The following PDZD2 variants were observed in gnomAD, a reference collection of about 807,000 sequenced individuals.
The protein encoded by PDZD2 is PDZ domain containing 2, also known as PDZ domain-containing protein 2.
PDZD2 carries 90 observed loss-of-function variants against 220.7 expected under a neutral mutation model. The ratio of observed to expected loss-of-function variants is 0.41; its 90% CI spans 0.34 to 0.49. The LOEUF (loss-of-function observed/expected upper bound fraction) is 0.49, where lower values mean the gene tolerates loss of function less well. PDZD2 is among the 20% of genes least tolerant of loss of function. The pLI is 0.28. For missense variants in PDZD2, 3,174 were observed against 3,608.5 expected, an observed-to-expected ratio of 0.88 and a Z score of 3.08; for synonymous variants, 1,375 against 1,450.5, an observed-to-expected ratio of 0.95 and a Z score of 1.18.
intron 2 of PDZD2, among the ~76,000 whole-genome samples, chr5:31,800,852 A>T (rs1754351660): frequency 6.6e-6 from 1 of 152,174 alleles, no homozygotes; most frequent in South Asian, 2.1e-4. Flanking sequence ...AATCATGGAG[A>T]GAAGGCCACC....
rs567635289 is a variant in PDZD2 at position 31,731,665 on chromosome 5, C to T, written c.-360-67224C>T. 2.6e-5 allele frequency among the ~76,000 whole-genome samples: 4 copies of T among 152,294 alleles called. No individual in the cohort carries two copies. The South Asian group carries it at 8.3e-4, about 32-fold the overall frequency. On this transcript the variant is annotated intron_variant, in intron 1 of 24. Coordinates refer to ENST00000438447, the MANE Select transcript of PDZD2 (RefSeq NM_178140.4). ...TAATGTTGTCGTCTGTGTTGTAGCA[C>T]GTATCCCAACCTTCATTTCTTTATA...
intron 1 of PDZD2, among the ~76,000 whole-genome samples, chr5:31,752,581 G>GT (rs11342582): frequency 1.9e-4 from 29 of 150,516 alleles, no homozygotes; most frequent in Non-Finnish European, 2.7e-4. Context: ...TAAAATAGGC[G>GT]TTTTTTTTTC....
At chr5:31,864,614 G>C (rs985681061) in intron 2 of PDZD2, among the ~76,000 whole-genome samples, 1 of 151,792 alleles carries the variant, frequency 6.6e-6, no homozygotes, top group East Asian at 1.9e-4. Context: ...CTGCCTCCCA[G>C]GTTCAAGTGA....
chr5:31,979,112 T>C (rs1163642540), intron 2 of PDZD2, among the ~76,000 whole-genome samples: 2 of 152,234 alleles, frequency 1.3e-5, no homozygotes, highest in African/African-American at 4.8e-5. Flanking sequence ...TTTTTGGTAC[T>C]GAAAAGGTCT....
intron 1 of PDZD2, among the ~76,000 whole-genome samples, chr5:31,703,932 CCT>C (rs913788620): frequency 4.2e-4 from 62 of 147,034 alleles, no homozygotes; most frequent in African/African-American, 1.1e-3. Context: ...CTCTCTCTCT[CCT>C]CTCTCTCTCT....
chr5:31,867,325 G>C (rs577907956), intron 2 of PDZD2, among the ~76,000 whole-genome samples: 1 of 152,300 alleles, frequency 6.6e-6, no homozygotes, highest in African/African-American at 2.4e-5. Context: ...TGCTGCTCTG[G>C]AGCATCTCTC....
chr5:32,108,054 C>T lies in PDZD2; in HGVS notation c.8439C>T (p.His2813=). Residue 2813 remains histidine, a synonymous_variant, in exon 25 of 25, where the codon CAC becomes CAT. Transcript: ENST00000438447. The stretch of plus-strand genomic sequence containing the variant: ...GGAAACCTCTGGTTGGGCTCATGCA[C>T]TTTGATGCCTGGAATATTATGAAGT... ...INGKPLVGLM[H]FDAWNIMKSV... 6.2e-7 allele frequency: 1 copy of T among 1,610,544 alleles called. No individual in the cohort carries two copies. Among genetic ancestry groups the T allele is most frequent in the Non-Finnish European group, 8.5e-7 (1 of 1,176,774 alleles).
At chr5:31,890,460 G>A (rs1187287226) in intron 2 of PDZD2, among the ~76,000 whole-genome samples, 1 of 152,100 alleles carries the variant, frequency 6.6e-6, no homozygotes, top group African/African-American at 2.4e-5. Context: ...GTAGAGGGTC[G>A]ATTCCCGGTA....
At position 32,090,273 on chromosome 5, in the gene PDZD2, G is replaced by C. The variant is rs113070170; in HGVS notation, c.6825G>C (p.Gln2275His). The change falls in exon 20 of 25, where the codon CAG becomes CAC. Residue 2275 changes from glutamine to histidine, a missense_variant. This residue lies in a region of PDZD2 where 631 missense variants were observed against 789.9 expected (regional missense o/e 0.80). Transcript: ENST00000438447. The surrounding 1 kb of genome is among the most constrained non-coding windows in gnomAD (Gnocchi z 4.3). ...GTCTTCCCAGCCTGGCTAATGGACA[G>C]GGCATATATAGTGTAAAGCCGCTGC... is the stretch of plus-strand genomic sequence containing the variant. The part of the protein sequence containing the change: ...RGGLPSLANG[Q>H]GIYSVKPLLD... The C allele has an allele frequency of 3.4e-5, 55 of 1,614,202 alleles. No homozygotes were observed. The African/African-American group carries it at 4.3e-4, about 13-fold the overall frequency.
intron 1 of PDZD2, among the ~76,000 whole-genome samples, chr5:31,716,302 C>T (rs1739803173): frequency 6.6e-6 from 1 of 152,142 alleles, no homozygotes; most frequent in African/African-American, 2.4e-5. Flanking sequence ...TGGTAAGAGA[C>T]ACAGACATGG....
intron 1 of PDZD2, among the ~76,000 whole-genome samples, chr5:31,790,257 C>G (rs1006670409): frequency 3.3e-5 from 5 of 152,092 alleles, no homozygotes; most frequent in Non-Finnish European, 7.4e-5. Context: ...GCCACCATGC[C>G]CAGCTAATTT....
chr5:31,643,538 G>C (rs1353690472), intron 1 of PDZD2, among the ~76,000 whole-genome samples: 1 of 152,180 alleles, frequency 6.6e-6, no homozygotes, highest in Non-Finnish European at 1.5e-5. Flanking sequence ...CAGAAAAACA[G>C]AGAACTTGCC....
intron 1 of PDZD2, among the ~76,000 whole-genome samples, chr5:31,649,457 C>T (rs1184081437): frequency 6.6e-6 from 1 of 151,724 alleles, no homozygotes; most frequent in Non-Finnish European, 1.5e-5. Flanking sequence ...AACAGGACCA[C>T]CCCCAGGTAC....
chr5:31,982,019 A>G (rs921108753), intron 2 of PDZD2, among the ~76,000 whole-genome samples: 2 of 152,150 alleles, frequency 1.3e-5, no homozygotes, highest in African/African-American at 4.8e-5. Context: ...CAGCCCTCAC[A>G]TATATGAAAA....
chr5:32,087,355 A>C lies in PDZD2; in HGVS notation c.3907A>C (p.Ser1303Arg). Residue 1303 changes from serine (S) to arginine (R), a missense_variant, in exon 20 of 25, where the codon AGC becomes CGC. Transcript: ENST00000438447. The surrounding 1 kb of genome is among the most constrained non-coding windows in gnomAD (Gnocchi z 4.0). ...GEKAAAPPDY[S>R]KTRSASETST... ...GAAAGCAGCGGCTCCCCCTGACTACAGCAAGACTCGATCAGCATCGGAAAC... is the reference window on the plus strand; with the variant it reads ...GAAAGCAGCGGCTCCCCCTGACTACCGCAAGACTCGATCAGCATCGGAAAC... 6.2e-7 allele frequency: 1 copy of C among 1,614,082 alleles called. No individual in the cohort carries two copies. Among genetic ancestry groups the C allele is most frequent in the Non-Finnish European group, 8.5e-7 (1 of 1,179,968 alleles).
At chr5:31,768,657 A>C (rs1752167546) in intron 1 of PDZD2, among the ~76,000 whole-genome samples, 1 of 145,254 alleles carries the variant, frequency 6.9e-6, no homozygotes, top group South Asian at 2.1e-4. Flanking sequence ...AAAAAAAAAA[A>C]ACTGAGACAC....
At chr5:31,920,185 A>G (rs1187519822) in intron 2 of PDZD2, among the ~76,000 whole-genome samples, 1 of 151,984 alleles carries the variant, frequency 6.6e-6, no homozygotes, top group Non-Finnish European at 1.5e-5. Context: ...TCGGGGGGCT[A>G]AGGTGGGAGA....
chr5:31,775,014 G>A (rs895602251), intron 1 of PDZD2, among the ~76,000 whole-genome samples: 2 of 152,164 alleles, frequency 1.3e-5, no homozygotes, highest in African/African-American at 4.8e-5. Context: ...CAACCAGCTT[G>A]CAAACTTCCT....
chr5:31,691,967 C>T (rs427923), intron 1 of PDZD2, among the ~76,000 whole-genome samples: 56,223 of 152,168 alleles, frequency 0.37, 10,562 homozygotes, highest in African/African-American at 0.43. Flanking sequence ...GATCCCACAC[C>T]AGGGCTGCAG....
Sources: allele counts gnomAD v4.1 joint callset (sites outside exome capture counted in the v4.1 genomes callset), GRCh38; gene constraint gnomAD v4.1.1; regional missense constraint gnomAD v4.1.1; non-coding constraint Gnocchi (gnomAD v3.1); transcripts MANE v1.5; gene names NCBI Gene and HGNC (gene_info 2026-07-23, HGNC 2026-07-21).